SASS6: variants seen among roughly 807,000 people sequenced by gnomAD.
SASS6 encodes spindle assembly abnormal protein 6 homolog.
SASS6 carries 59 observed loss-of-function variants against 94.9 expected under a neutral mutation model. The observed-to-expected ratio is 0.62, with a 90% CI of 0.50 to 0.77. SASS6 has a LOEUF of 0.77. Ranked by LOEUF, SASS6 falls within the 30% of genes least tolerant of loss-of-function variation. The pLI, the probability that SASS6 is intolerant of heterozygous loss-of-function variation, is 0.00. For synonymous variants in SASS6, 264 were observed against 270.0 expected, an observed-to-expected ratio of 0.98 and a Z score of 0.22; for missense variants, 698 against 734.1, an observed-to-expected ratio of 0.95 and a Z score of 0.57.
At chr1:100,123,162 G>C in intron 3 of SASS6, 48 bp downstream of exon 3, 1 of 792,328 alleles carries the variant, frequency 1.3e-6, no homozygotes, top group Non-Finnish European at 2.1e-6. Flanking sequence ...ATAAAACTTA[G>C]AAACTTATTT....
intron 15 of SASS6, among the ~76,000 whole-genome samples, chr1:100,086,369 T>G (rs921029729): frequency 5.3e-5 from 8 of 152,176 alleles, no homozygotes; most frequent in Non-Finnish European, 1.0e-4. Context: ...CACTTTTTGC[T>G]AGCTGACAAA....
chr1:100,105,267 G>A (rs12138097), intron 13 of SASS6, among the ~76,000 whole-genome samples: 6,729 of 152,160 alleles, frequency 0.044, 172 homozygotes, highest in African/African-American at 0.06. Context: ...GGTGGCTCAC[G>A]CCTGTAATCC....
chr1:100,105,641 G>T, intron 13 of SASS6, 126 bp downstream of exon 13: 1 of 818,658 alleles, frequency 1.2e-6, no homozygotes, highest in Non-Finnish European at 1.9e-6. Context: ...CTATTTCAGT[G>T]CAATTGTAGG....
chr1:100,096,466 A>G (rs1264354408), intron 14 of SASS6, among the ~76,000 whole-genome samples: 1 of 152,226 alleles, frequency 6.6e-6, no homozygotes, highest in Non-Finnish European at 1.5e-5. Context: ...AATGTTTTCA[A>G]CCTGTGGTTG....
chr1:100,084,394 TC>T lies in SASS6; in HGVS notation c.*933del. 1 of 152,154 alleles carries T rather than the reference TC, an allele frequency of 6.6e-6. No individual in the cohort carries two copies. Among genetic ancestry groups the T allele is most frequent in the African/African-American group, 2.4e-5 (1 of 41,562 alleles). The allele number at this position is 152,154 out of a possible 1,614,324, so 9.4% of individuals were successfully genotyped here. On this transcript the variant is annotated 3_prime_UTR_variant, in exon 17 of 17. Transcript: ENST00000287482. ...TCTAGGTGAATTTTAAAAAAATTTT[TC>T]CCCAAGGAACAATTCTTAAAACTTT...
rs753559425 is a variant in SASS6, at chr1:100,120,442, C to T, written c.501G>A (p.Leu167=). The T allele has an allele frequency of 1.4e-6, 2 of 1,466,474 alleles. No individual in the cohort carries two copies. The highest frequency in any genetic ancestry group is 3.4e-5 in the Admixed American group (2 of 59,432). The allele number at this position is 1,466,474 out of a possible 1,614,324, so 90.8% of individuals were successfully genotyped here. Residue 167 remains leucine (L), a synonymous_variant, in exon 6 of 17, where the codon TTG becomes TTA. Transcript: ENST00000287482. ...LKCSKEEKLS[L]MQSLDDATKQ... ...TAGTAGCATCATCTAGTGATTGCATCAATGATAATTTTTCTTCCTATTCAT... is the reference window on the plus strand; with the variant it reads ...TAGTAGCATCATCTAGTGATTGCATTAATGATAATTTTTCTTCCTATTCAT...
chr1:100,100,204 T>C (rs1652375219), intron 14 of SASS6, among the ~76,000 whole-genome samples: 1 of 152,176 alleles, frequency 6.6e-6, no homozygotes, highest in African/African-American at 2.4e-5. Flanking sequence ...AGGTGGAGGT[T>C]GCAGTGAGCT....
chr1:100,106,584 A>C (rs1454428977), intron 12 of SASS6, among the ~76,000 whole-genome samples: 4 of 152,148 alleles, frequency 2.6e-5, no homozygotes, highest in African/African-American at 9.7e-5. Flanking sequence ...GATGGCTAAC[A>C]CCTGTAAACC....
At chr1:100,116,104 T>C (rs1488411689) in intron 7 of SASS6, among the ~76,000 whole-genome samples, 1 of 152,140 alleles carries the variant, frequency 6.6e-6, no homozygotes, top group Non-Finnish European at 1.5e-5. Context: ...AAAAAAACTA[T>C]ATACGGCAAA....
intron 1 of SASS6, among the ~76,000 whole-genome samples, chr1:100,128,397 A>T (rs1180419682): frequency 6.6e-6 from 1 of 152,190 alleles, no homozygotes; most frequent in Non-Finnish European, 1.5e-5. Flanking sequence ...GTACAAGAAG[A>T]ATTCACTTAT....
At chr1:100,085,737 A>G in intron 15 of SASS6, 107 bp from the exon 16 acceptor site, 1 of 664,946 alleles carries the variant, frequency 1.5e-6, no homozygotes, top group East Asian at 2.8e-5. Context: ...AGTTCTATTT[A>G]TAGCTTAGCT....
Position 100,102,901 on chromosome 1 carries a change from T to G in SASS6, c.1674+54A>C. The G allele has an allele frequency of 4.4e-6, 6 of 1,371,914 alleles. No individual in the cohort carries two copies. The Admixed American group carries it at 5.9e-5, about 13-fold the overall frequency. 85.0% of individuals were successfully genotyped at this position (1,371,914 alleles called of 1,614,324 possible). A position where few individuals can be genotyped will look rare whatever the true frequency, so the allele number is the denominator to read the frequency against. On this transcript the variant is annotated intron_variant, in intron 14 of 16. Transcript: ENST00000287482. ...TTTTAAAAGATGTGAAATGTTTGTA[T>G]GCTAATAGGTTGCTATATTTTTTCC...
At position 100,088,304 on chromosome 1, in the gene SASS6, G is replaced by T. The variant is rs1259051905; in HGVS notation, c.1675-68C>A. 7.8e-6 allele frequency: 6 copies of T among 773,874 alleles called. No homozygotes were observed. In the East Asian group the frequency reaches 1.5e-4, roughly 19 times the overall value. The allele number at this position is 773,874 out of a possible 1,614,324, so 47.9% of individuals were successfully genotyped here. A position where few individuals can be genotyped will look rare whatever the true frequency, so the allele number is the denominator to read the frequency against. ...AGTAGACAGTTTTGGGCAGAGGGGG[G>T]ATTTTAAACAGAGCCTTGCTCTGTT... is the stretch of plus-strand genomic sequence containing the variant. On this transcript the variant is annotated intron_variant, in intron 14 of 16. Coordinates refer to ENST00000287482, the MANE Select transcript of SASS6 (RefSeq NM_194292.3).
Position 100,132,760 on chromosome 1 carries a change from A to G in SASS6, c.55T>C (p.Cys19Arg). 1 of 1,613,836 alleles carries G rather than the reference A, an allele frequency of 6.2e-7. No individual in the cohort carries two copies. Among genetic ancestry groups the G allele is most frequent in the South Asian group, 1.1e-5 (1 of 91,080 alleles). ...LVPLQVKCKD[C>R]EERRVSIRMS... ...TGACGCGGACCTTACCTCTCCTCACAGTCTTTGCATTTCACCTGCAACGGG... is the reference window on the plus strand; with the variant it reads ...TGACGCGGACCTTACCTCTCCTCACGGTCTTTGCATTTCACCTGCAACGGG... Residue 19 changes from cysteine (C) to arginine (R), a missense_variant, in exon 1 of 17, where the codon TGT becomes CGT. Coordinates refer to ENST00000287482, the MANE Select transcript of SASS6 (RefSeq NM_194292.3).
intron 6 of SASS6, 144 bp downstream of exon 6, chr1:100,120,250 T>C (rs960639574): frequency 1.7e-6 from 1 of 580,876 alleles, no homozygotes; most frequent in Non-Finnish European, 3.1e-6. Context: ...AATTAAGTGG[T>C]AGTTGAAGGG....
At chr1:100,116,557 T>C (rs952735040) in intron 7 of SASS6, among the ~76,000 whole-genome samples, 1 of 152,132 alleles carries the variant, frequency 6.6e-6, no homozygotes, top group Non-Finnish European at 1.5e-5. Context: ...AATGAGTGCA[T>C]GTGTCCACAA....
chr1:100,120,708 T>C (rs1163634578), intron 5 of SASS6, among the ~76,000 whole-genome samples: 1 of 152,208 alleles, frequency 6.6e-6, no homozygotes, highest in African/African-American at 2.4e-5. Flanking sequence ...CCTTGTGCCA[T>C]ATAGCACTTT....
chr1:100,113,040 TCA>T (rs1653462624), intron 7 of SASS6, among the ~76,000 whole-genome samples: 1 of 152,152 alleles, frequency 6.6e-6, no homozygotes, highest in Non-Finnish European at 1.5e-5. Context: ...AATCCTTCAG[TCA>T]CTCTGGAGTT....
At chr1:100,105,581 C>G (rs1445502164) in intron 13 of SASS6, among the ~76,000 whole-genome samples, 186 bp downstream of exon 13, 1 of 152,144 alleles carries the variant, frequency 6.6e-6, no homozygotes, top group Admixed American at 6.5e-5. Context: ...AACTCAGCCT[C>G]TGTTCAGAGC....
Sources: gnomAD v4.1 joint callset for allele counts (sites outside exome capture counted in the v4.1 genomes callset) on GRCh38, gnomAD v4.1.1 for gene constraint, MANE v1.5 for transcripts, NCBI Gene and HGNC (gene_info 2026-07-23, HGNC 2026-07-21) for gene names.